The following SDK1 variants were observed in gnomAD, a reference collection of about 807,000 sequenced individuals.
The protein encoded by SDK1 is protein sidekick-1.
A neutral mutation model predicts 245.5 loss-of-function variants in SDK1; 157 were observed. The ratio of observed to expected loss-of-function variants is 0.64; its 90% CI spans 0.56 to 0.73. SDK1 has a LOEUF of 0.73. Ranked by LOEUF, SDK1 falls within the 30% of genes least tolerant of loss-of-function variation. SDK1 has a pLI of 0.00. For missense variants in SDK1, 3,583 were observed against 3,002.3 expected, an observed-to-expected ratio of 1.19 and a Z score of -4.52; for synonymous variants, 1,647 against 1,278.5, an observed-to-expected ratio of 1.29 and a Z score of -6.15.
At chr7:3,612,427 A>G (rs1781622738) in intron 1 of SDK1, among the ~76,000 whole-genome samples, 2 of 152,300 alleles carry the variant, frequency 1.3e-5, no homozygotes, top group African/African-American at 4.8e-5. Flanking sequence ...AAGAAAGCAC[A>G]TTGCACTGTG....
chr7:4,157,445 G>A (rs1188607632), intron 30 of SDK1, among the ~76,000 whole-genome samples: 6 of 131,658 alleles, frequency 4.6e-5, no homozygotes, highest in African/African-American at 2.0e-4. Flanking sequence ...AGAAAAGGAG[G>A]GAAGGGAGGT....
Position 3,614,272 on chromosome 7 carries a change from A to G in SDK1, c.299-4808A>G, listed in dbSNP as rs770644525. Reference sequence around the variant, plus strand: ...CTATTTTAAGAATAGAACACTTTCTATATGAAAATGGAAATTTCACTTTTC... The same window carrying G: ...CTATTTTAAGAATAGAACACTTTCTGTATGAAAATGGAAATTTCACTTTTC... On this transcript the variant is annotated intron_variant, in intron 1 of 44. Coordinates refer to ENST00000404826, the MANE Select transcript of SDK1 (RefSeq NM_152744.4). 4.6e-5 allele frequency among the ~76,000 whole-genome samples: 7 copies of G among 152,228 alleles called. No individual in the cohort carries two copies. The East Asian group carries it at 9.6e-4, about 21-fold the overall frequency.
chr7:4,060,962 T>C (rs940468347), intron 19 of SDK1, among the ~76,000 whole-genome samples: 5 of 152,050 alleles, frequency 3.3e-5, no homozygotes, highest in South Asian at 2.1e-4. Context: ...AGATATGTGG[T>C]GTTATTTCAG....
chr7:4,140,905 C>A (rs1779540328), intron 28 of SDK1, among the ~76,000 whole-genome samples: 1 of 152,122 alleles, frequency 6.6e-6, no homozygotes, highest in South Asian at 2.1e-4. Context: ...AGTTCAAGAC[C>A]AGCCTGTGCA....
At chr7:3,511,696 GT>G (rs1486874737) in intron 1 of SDK1, among the ~76,000 whole-genome samples, 2 of 151,940 alleles carry the variant, frequency 1.3e-5, no homozygotes, top group Non-Finnish European at 2.9e-5. Flanking sequence ...ATAAGTCACT[GT>G]GGACAGTTAA....
intron 19 of SDK1, among the ~76,000 whole-genome samples, chr7:4,065,694 G>GTTTTTTTTTTT (rs749991713): frequency 1.3e-4 from 9 of 66,752 alleles, no homozygotes; most frequent in Non-Finnish European, 1.8e-4. Context: ...AGTGGTTGTT[G>GTTTTTTTTTTT]TTTTTTTTTT....
chr7:3,616,132 C>T (rs186563505), intron 1 of SDK1, among the ~76,000 whole-genome samples: 34 of 152,282 alleles, frequency 2.2e-4, no homozygotes, highest in Admixed American at 1.4e-3. Flanking sequence ...GCAATCCTTC[C>T]GCCTCAGCCT....
chr7:3,725,660 A>C (rs941936499), intron 4 of SDK1, among the ~76,000 whole-genome samples: 1 of 152,202 alleles, frequency 6.6e-6, no homozygotes. Flanking sequence ...CTGGAAAAAT[A>C]ATCAAAGCAT....
At chr7:3,894,078 G>A (rs1781531411) in intron 5 of SDK1, among the ~76,000 whole-genome samples, 1 of 152,098 alleles carries the variant, frequency 6.6e-6, no homozygotes, top group African/African-American at 2.4e-5. Context: ...TTCTAAATAT[G>A]GCAAGGAGTG....
chr7:3,862,662 C>CTT (rs1342802791), intron 5 of SDK1, among the ~76,000 whole-genome samples: 1 of 152,128 alleles, frequency 6.6e-6, no homozygotes. Context: ...AAATGTCAGG[C>CTT]TTTTTAATAC....
intron 1 of SDK1, among the ~76,000 whole-genome samples, chr7:3,617,034 G>T (rs950097876): frequency 6.6e-6 from 1 of 152,064 alleles, no homozygotes; most frequent in Admixed American, 6.6e-5. Context: ...CTACTGACTG[G>T]GTAGCATTGA....
chr7:3,312,120 A>G (rs1185794410), intron 1 of SDK1, among the ~76,000 whole-genome samples: 1 of 152,212 alleles, frequency 6.6e-6, no homozygotes, highest in Non-Finnish European at 1.5e-5. Context: ...AAAAAGGGAC[A>G]TCTAAACTCC....
At chr7:3,847,312 C>T (rs776277335) in intron 5 of SDK1, among the ~76,000 whole-genome samples, 1 of 152,208 alleles carries the variant, frequency 6.6e-6, no homozygotes, top group African/African-American at 2.4e-5. Context: ...ACTTGGTCGC[C>T]ATAAACCTAG....
intron 22 of SDK1, among the ~76,000 whole-genome samples, chr7:4,082,911 G>A (rs756757838): frequency 1.1e-4 from 17 of 152,028 alleles, no homozygotes; most frequent in African/African-American, 2.9e-4. Flanking sequence ...ATGAGCCACC[G>A]CACCTGGCAA....
chr7:3,362,885 G>A (rs1029779425), intron 1 of SDK1, among the ~76,000 whole-genome samples: 1 of 152,160 alleles, frequency 6.6e-6, no homozygotes, highest in Admixed American at 6.5e-5. Context: ...TTTCATTTCA[G>A]TGTAGTTCAG....
At chr7:3,483,960 G>A (rs1781597127) in intron 1 of SDK1, among the ~76,000 whole-genome samples, 1 of 152,026 alleles carries the variant, frequency 6.6e-6, no homozygotes, top group Non-Finnish European at 1.5e-5. Context: ...ACATATTTAT[G>A]GGGTACATGT....
At chr7:3,513,668 ATG>A (rs1034444287) in intron 1 of SDK1, among the ~76,000 whole-genome samples, 3 of 152,154 alleles carry the variant, frequency 2.0e-5, no homozygotes, top group African/African-American at 7.2e-5. Context: ...AAAGGTATAC[ATG>A]TGCAAATTTG....
intron 17 of SDK1, 49 bp from the exon 18 acceptor site, chr7:4,049,299 G>T (rs771800097): frequency 2.1e-6 from 3 of 1,428,368 alleles, no homozygotes; most frequent in Non-Finnish European, 3.0e-6. Context: ...CCACCCCATG[G>T]TCCCTCCTGC....
Position 3,344,911 on chromosome 7 carries a change from C to T in SDK1, c.298+43027C>T, listed in dbSNP as rs1311520121. Among the ~76,000 whole-genome samples the T allele has an allele frequency of 2.0e-5, 3 of 152,268 alleles. No individual in the cohort carries two copies. The East Asian group carries it at 5.8e-4, about 29-fold the overall frequency. On this transcript the variant is annotated intron_variant, in intron 1 of 44. Coordinates refer to ENST00000404826, the MANE Select transcript of SDK1 (RefSeq NM_152744.4). ...TGTTGTACAGTAATAACAAGAGATGCTTCATTTCCAGGTCCACACAAGCAC... is the reference window on the plus strand; with the variant it reads ...TGTTGTACAGTAATAACAAGAGATGTTTCATTTCCAGGTCCACACAAGCAC...
Sources: allele counts gnomAD v4.1 joint callset (sites outside exome capture counted in the v4.1 genomes callset), GRCh38; gene constraint gnomAD v4.1.1; transcripts MANE v1.5; gene names NCBI Gene and HGNC (gene_info 2026-07-23, HGNC 2026-07-21).